XIRP2: variants seen among roughly 807,000 people sequenced by gnomAD.
XIRP2 encodes xin actin-binding repeat-containing protein 2.
A neutral mutation model predicts 277.0 loss-of-function variants in XIRP2; 236 were observed. The observed-to-expected ratio is 0.85, with a 90% confidence interval of 0.77 to 0.95. XIRP2 has a LOEUF of 0.95. Ranked by LOEUF, XIRP2 falls within the 40% of genes least tolerant of loss-of-function variation. The pLI, the probability that XIRP2 is intolerant of heterozygous loss-of-function variation, is 0.00. For missense variants in XIRP2, 4,640 were observed against 4,157.5 expected (o/e 1.12, Z -3.19); for synonymous variants, 1,490 against 1,416.5 (o/e 1.05, Z -1.17).
At chr2:167,252,039 G>A in intron 9 of XIRP2, 92 bp downstream of exon 9, 1 of 1,484,524 alleles carries the variant, frequency 6.7e-7, no homozygotes, top group Non-Finnish European at 8.9e-7. Flanking sequence ...AGAGTGCGTG[G>A]AAACAACCAA....
At chr2:167,175,634 G>A (rs1692819695) in intron 3 of XIRP2, among the ~76,000 whole-genome samples, 1 of 152,168 alleles carries the variant, frequency 6.6e-6, no homozygotes, top group South Asian at 2.1e-4. Flanking sequence ...ACTTGAGGAG[G>A]CAGTCATGTC....
intron 2 of XIRP2, among the ~76,000 whole-genome samples, chr2:167,074,644 G>T (rs2105254664): frequency 6.6e-6 from 1 of 152,052 alleles, no homozygotes; most frequent in Non-Finnish European, 1.5e-5. Flanking sequence ...GCGTGTGTGT[G>T]TGTGTGTGTT....
At chr2:167,014,578 G>A (rs1191426644) in intron 2 of XIRP2, among the ~76,000 whole-genome samples, 3 of 151,562 alleles carry the variant, frequency 2.0e-5, no homozygotes, top group African/African-American at 7.3e-5. Flanking sequence ...GAATATAAAA[G>A]CAAAGATGAA....
intron 3 of XIRP2, among the ~76,000 whole-genome samples, chr2:167,204,711 A>G (rs186235757): frequency 6.6e-6 from 1 of 152,312 alleles, no homozygotes; most frequent in African/African-American, 2.4e-5. Flanking sequence ...CCATTATTCA[A>G]TATTAACATT....
chr2:167,024,669 G>T (rs1343359904), intron 2 of XIRP2, among the ~76,000 whole-genome samples: 1 of 152,106 alleles, frequency 6.6e-6, no homozygotes, highest in Non-Finnish European at 1.5e-5. Flanking sequence ...ATGACGTGTT[G>T]TTGAATTTTG....
At position 167,219,701 on chromosome 2, in the gene XIRP2, C is replaced by T. The variant is rs185727238; in HGVS notation, c.858+1401C>T. On this transcript the variant is annotated intron_variant, in intron 5 of 10. Coordinates refer to ENST00000409195, the MANE Select transcript of XIRP2 (RefSeq NM_152381.6). The stretch of plus-strand genomic sequence containing the variant: ...CAAGGGACTCTACGTTTTCATTTTA[C>T]GCTGGGTCTGGCATACTATGTAAAC... Among the ~76,000 whole-genome samples, 878 of 152,250 alleles carry T rather than the reference C, an allele frequency of 5.8e-3. 7 individuals carry two copies. Among genetic ancestry groups the T allele is most frequent in the South Asian group, 0.013 (63 of 4,822 alleles).
At chr2:167,015,617 T>C (rs1183077216) in intron 2 of XIRP2, among the ~76,000 whole-genome samples, 2 of 151,838 alleles carry the variant, frequency 1.3e-5, no homozygotes, top group African/African-American at 4.8e-5. Flanking sequence ...TCCTACTCTT[T>C]AAGCACTAAT....
At chr2:166,891,812 T>C (rs1479202661) in intron 1 of XIRP2, among the ~76,000 whole-genome samples, 1 of 152,186 alleles carries the variant, frequency 6.6e-6, no homozygotes, top group Non-Finnish European at 1.5e-5. Context: ...ATTATAAACA[T>C]AATCCTTGGG....
intron 2 of XIRP2, among the ~76,000 whole-genome samples, chr2:167,031,069 A>G (rs922344141): frequency 1.8e-5 from 2 of 109,000 alleles, no homozygotes; most frequent in African/African-American, 7.3e-5. Flanking sequence ...CCATCCCTTT[A>G]TTTTGAGATA....
intron 2 of XIRP2, among the ~76,000 whole-genome samples, chr2:167,134,783 A>C (rs1469137817): frequency 1.3e-5 from 2 of 152,218 alleles, no homozygotes; most frequent in African/African-American, 4.8e-5. Context: ...ATGCTGTAAT[A>C]AAAGTTAAAT....
intron 2 of XIRP2, among the ~76,000 whole-genome samples, chr2:166,935,558 A>T (rs1210471230): frequency 6.6e-6 from 1 of 151,682 alleles, no homozygotes; most frequent in East Asian, 1.9e-4. Context: ...TGTTATTGCT[A>T]CCCCCCTCCC....
intron 2 of XIRP2, among the ~76,000 whole-genome samples, chr2:167,041,796 C>T (rs1688665910): frequency 1.3e-5 from 2 of 152,058 alleles, no homozygotes; most frequent in East Asian, 1.9e-4. Context: ...CAAAAATTTC[C>T]CCAACCACAT....
chr2:167,133,352 T>C (rs111289349), intron 2 of XIRP2, among the ~76,000 whole-genome samples: 45 of 152,306 alleles, frequency 3.0e-4, no homozygotes, highest in African/African-American at 1.0e-3. Context: ...TCCTTACCCC[T>C]TGCCAGGCCC....
chr2:167,187,182 G>A (rs932888692), intron 3 of XIRP2: 31 of 925,662 alleles, frequency 3.3e-5, no homozygotes, highest in Non-Finnish European at 3.7e-5. Context: ...TTGATTGACT[G>A]CACATGTGTT....
At chr2:167,134,113 ATATATATGTG>A (rs531098776) in intron 2 of XIRP2, among the ~76,000 whole-genome samples, 5 of 152,040 alleles carry the variant, frequency 3.3e-5, no homozygotes, top group East Asian at 1.9e-4. Flanking sequence ...TAGTGATTTT[ATATATATGTG>A]TATATATGTG....
At position 167,244,009 on chromosome 2, in the gene XIRP2, CA is replaced by C; in HGVS notation, c.2620del (p.Thr874LeufsTer14). On this transcript the variant is annotated frameshift_variant, in exon 9 of 11. Coordinates refer to ENST00000409195, the MANE Select transcript of XIRP2 (RefSeq NM_152381.6). LOFTEE classifies it high-confidence loss of function. Reference sequence around the variant, plus strand: ...TGAGGAGATAATAGGTGGTGATGTACAAACTACTAAGCATCTATTTGAAACA... The same window carrying C: ...TGAGGAGATAATAGGTGGTGATGTACAACTACTAAGCATCTATTTGAAACA... ...QREEIIGGDV[Q>X]TTKHLFETLP... 1 of 1,613,934 alleles carries C rather than the reference CA, an allele frequency of 6.2e-7. No homozygotes were observed. The highest frequency in any genetic ancestry group is 8.5e-7 in the Non-Finnish European group (1 of 1,179,918).
At chr2:166,889,203 A>G (rs955827573) in intron 1 of XIRP2, among the ~76,000 whole-genome samples, 1 of 152,076 alleles carries the variant, frequency 6.6e-6, no homozygotes, top group Non-Finnish European at 1.5e-5. Flanking sequence ...CTTCTTAGGC[A>G]CTCCAACAAG....
rs946808513 is a variant in XIRP2, at chr2:167,254,145, C to A, written c.*19C>A. On this transcript the variant is annotated 3_prime_UTR_variant, in exon 10 of 11. Transcript: ENST00000409195. ...TTCATAAGTCCTGCTTCCGATGCCA[C>A]CATTGCAACAGTAAACTAAGGTAAA... 2.0e-5 allele frequency: 32 copies of A among 1,609,624 alleles called. No homozygotes were observed. Among genetic ancestry groups the A allele is most frequent in the Non-Finnish European group, 2.1e-5 (25 of 1,177,676 alleles).
chr2:166,952,547 A>G (rs1686061580), intron 2 of XIRP2, among the ~76,000 whole-genome samples: 1 of 152,036 alleles, frequency 6.6e-6, no homozygotes, highest in South Asian at 2.1e-4. Context: ...TCCAGAGAGT[A>G]GGTTTTTATC....
Sources: gnomAD v4.1 joint callset for allele counts (sites outside exome capture counted in the v4.1 genomes callset) on GRCh38, gnomAD v4.1.1 for gene constraint, MANE v1.5 for transcripts, NCBI Gene and HGNC (gene_info 2026-07-23, HGNC 2026-07-21) for gene names.